Variants in CNTNAP2 observed in about 807,000 individuals in gnomAD.
CNTNAP2 encodes contactin-associated protein-like 2.
Under a neutral mutation model 155.2 loss-of-function variants are expected in CNTNAP2, and 98 were observed. The observed-to-expected ratio is 0.63, with a 90% CI of 0.54 to 0.75. The LOEUF is 0.75. CNTNAP2 is among the 30% of genes least tolerant of loss of function. The pLI, the probability that CNTNAP2 is intolerant of heterozygous loss-of-function variation, is 0.00. For synonymous variants in CNTNAP2, 651 were observed against 631.2 expected (o/e 1.03, Z -0.47); for missense variants, 1,727 against 1,688.1 (o/e 1.02, Z -0.40).
intron 13 of CNTNAP2, among the ~76,000 whole-genome samples, chr7:147,803,730 G>A (rs530897013): frequency 6.6e-6 from 1 of 152,258 alleles, no homozygotes; most frequent in African/African-American, 2.4e-5. Context: ...TCAGCTGGGG[G>A]CCAATTACTG....
chr7:148,114,489 G>A (rs1804422183), intron 15 of CNTNAP2, among the ~76,000 whole-genome samples: 1 of 152,154 alleles, frequency 6.6e-6, no homozygotes, highest in Non-Finnish European at 1.5e-5. Flanking sequence ...TTTCATGCCG[G>A]CTTTCATGGA....
intron 14 of CNTNAP2, among the ~76,000 whole-genome samples, chr7:147,922,628 G>T (rs1200761033): frequency 6.6e-6 from 1 of 152,146 alleles, no homozygotes; most frequent in African/African-American, 2.4e-5. Context: ...GCTTTGTCTA[G>T]GCCAACTGAT....
chr7:146,804,690 G>A (rs577359961), intron 2 of CNTNAP2, among the ~76,000 whole-genome samples: 1 of 152,248 alleles, frequency 6.6e-6, no homozygotes, highest in Admixed American at 6.5e-5. Context: ...TTATTGAAGA[G>A]CCCTATAAAC....
intron 21 of CNTNAP2, among the ~76,000 whole-genome samples, chr7:148,382,485 G>A (rs558396601): frequency 3.2e-4 from 23 of 71,348 alleles, no homozygotes; most frequent in African/African-American, 6.2e-4. Context: ...GAAATGGAGC[G>A]GGAGTCACAA....
chr7:146,585,348 C>T (rs144888477), intron 1 of CNTNAP2, among the ~76,000 whole-genome samples: 2,927 of 152,096 alleles, frequency 0.019, 115 homozygotes, highest in African/African-American at 0.066. Flanking sequence ...TTTCGATCTC[C>T]TGACCTCGTG....
chr7:147,954,664 T>C lies in CNTNAP2; in HGVS notation c.2256-23198T>C, dbSNP rs186657341. Among the ~76,000 whole-genome samples the C allele has an allele frequency of 2.6e-3, 391 of 152,344 alleles. 1 individual carries two copies. The highest frequency in any genetic ancestry group is 9.2e-3 in the African/African-American group (384 of 41,588). ...ATTTGAATGCTATAGTTAATGTTTT[T>C]ATAATTTTTAGATGACAATTTTATT... On this transcript the variant is annotated intron_variant, in intron 14 of 23. Transcript: ENST00000361727.
intron 1 of CNTNAP2, among the ~76,000 whole-genome samples, chr7:146,733,870 G>A (rs111565335): frequency 2.1e-3 from 315 of 152,170 alleles, no homozygotes; most frequent in African/African-American, 7.1e-3. Context: ...CATGGTATGA[G>A]AGTTTCATAG....
chr7:146,276,042 A>T (rs2129084092), intron 1 of CNTNAP2, among the ~76,000 whole-genome samples: 1 of 152,352 alleles, frequency 6.6e-6, no homozygotes, highest in Non-Finnish European at 1.5e-5. Context: ...GCAAAATGTC[A>T]GTGGCACCAG....
At chr7:146,563,226 C>T (rs1176654215) in intron 1 of CNTNAP2, among the ~76,000 whole-genome samples, 1 of 152,162 alleles carries the variant, frequency 6.6e-6, no homozygotes, top group Non-Finnish European at 1.5e-5. Flanking sequence ...CCAATGCTGT[C>T]AATTCTGCAA....
chr7:148,383,867 C>T lies in CNTNAP2; in HGVS notation c.3694C>T (p.His1232Tyr). The change falls in exon 22 of 24, where the codon CAC becomes TAC. Residue 1232 changes from histidine to tyrosine, a missense_variant. Transcript: ENST00000361727. ...CATGTCGTCCGCCACCGACCCCTGG[C>T]ACCTGGATCACCTGGATTCAGGTAA... ...SPMSSATDPW[H>Y]LDHLDSASAD... The T allele has an allele frequency of 6.2e-7, 1 of 1,613,812 alleles. No individual in the cohort carries two copies. The highest frequency in any genetic ancestry group is 1.1e-5 in the South Asian group (1 of 91,038).
chr7:146,591,452 A>G (rs1798782867), intron 1 of CNTNAP2, among the ~76,000 whole-genome samples: 1 of 33,296 alleles, frequency 3.0e-5, no homozygotes, highest in African/African-American at 1.5e-4. Flanking sequence ...AATAGCCAAG[A>G]ATACCTGAGT....
intron 1 of CNTNAP2, among the ~76,000 whole-genome samples, chr7:146,341,905 A>G (rs932222009): frequency 2.6e-5 from 4 of 152,152 alleles, no homozygotes; most frequent in Non-Finnish European, 4.4e-5. Flanking sequence ...CATTCCTACA[A>G]ATAGTTTAAA....
chr7:146,745,532 G>C (rs1030112624), intron 1 of CNTNAP2, among the ~76,000 whole-genome samples: 1 of 152,066 alleles, frequency 6.6e-6, no homozygotes, highest in African/African-American at 2.4e-5. Context: ...ACTTTGGGAG[G>C]CCAAGGTGGG....
In CNTNAP2 at chr7:147,301,590, CTCTG is replaced by C. The variant is rs1456200533; in HGVS notation, c.1498+1302_1498+1305del. On this transcript the variant is annotated intron_variant, in intron 9 of 23. Coordinates refer to ENST00000361727, the MANE Select transcript of CNTNAP2 (RefSeq NM_014141.6). ...GTTATATAGCTCTCTCTCTCTCTCT[CTCTG>C]TGTGTGTGTGTGTGTGTGTGTGTGT... Among the ~76,000 whole-genome samples, 608 of 111,524 alleles carry C rather than the reference CTCTG, an allele frequency of 5.5e-3. 2 individuals carry two copies. Among genetic ancestry groups the C allele is most frequent in the Middle Eastern group, 0.013 (3 of 236 alleles). The allele number at this position is 111,524 out of a possible 152,430, so 73.2% of individuals were successfully genotyped here.
intron 18 of CNTNAP2, among the ~76,000 whole-genome samples, chr7:148,181,430 A>C (rs1795036444): frequency 6.6e-6 from 1 of 152,196 alleles, no homozygotes; most frequent in Non-Finnish European, 1.5e-5. Flanking sequence ...GTCCACAAAT[A>C]TGTATGGAAA....
intron 12 of CNTNAP2, among the ~76,000 whole-genome samples, chr7:147,579,897 G>A (rs1190418938): frequency 6.6e-6 from 1 of 152,118 alleles, no homozygotes; most frequent in Non-Finnish European, 1.5e-5. Context: ...AATTTAATAG[G>A]TACTTTTCTC....
At chr7:146,352,906 C>T (rs925543521) in intron 1 of CNTNAP2, among the ~76,000 whole-genome samples, 21 of 150,874 alleles carry the variant, frequency 1.4e-4, no homozygotes, top group Non-Finnish European at 2.2e-4. Flanking sequence ...AGGCACCCGC[C>T]ACCACGCCCG....
chr7:146,563,807 A>G (rs1253933096), intron 1 of CNTNAP2, among the ~76,000 whole-genome samples: 1 of 152,114 alleles, frequency 6.6e-6, no homozygotes, highest in East Asian at 1.9e-4. Flanking sequence ...CACATTATCA[A>G]TTCCCTTTAT....
Position 148,420,296 on chromosome 7 carries a change from G to A in CNTNAP2, c.*4680G>A, listed in dbSNP as rs1181801139. 1 of 152,186 alleles carries A rather than the reference G, an allele frequency of 6.6e-6. No homozygotes were observed. Among genetic ancestry groups the A allele is most frequent in the African/African-American group, 2.4e-5 (1 of 41,448 alleles). 9.4% of individuals were successfully genotyped at this position (152,186 alleles called of 1,614,324 possible). On this transcript the variant is annotated 3_prime_UTR_variant, in exon 24 of 24. Coordinates refer to ENST00000361727, the MANE Select transcript of CNTNAP2 (RefSeq NM_014141.6). Reference sequence around the variant, plus strand: ...CCAACACAAAATACAAACGTGACGTGTTCATGTAGCCTAGTGGCTATATGC... The same window carrying A: ...CCAACACAAAATACAAACGTGACGTATTCATGTAGCCTAGTGGCTATATGC...
Sources: allele counts gnomAD v4.1 joint callset (sites outside exome capture counted in the v4.1 genomes callset), GRCh38; gene constraint gnomAD v4.1.1; transcripts MANE v1.5; gene names NCBI Gene and HGNC (gene_info 2026-07-23, HGNC 2026-07-21).